Variants in NTM observed in about 807,000 individuals in gnomAD.
The protein encoded by NTM is neurotrimin.
In NTM, 13 loss-of-function variants were observed where a neutral mutation model predicts 42.1. The ratio of observed to expected loss-of-function variants is 0.31; its 90% CI spans 0.20 to 0.49. The LOEUF is 0.49. Among genes scored for constraint, NTM ranks in the 20% least tolerant of loss-of-function variants. The pLI, the probability that NTM is intolerant of heterozygous loss-of-function variation, is 0.99. For synonymous variants in NTM, 187 were observed against 179.2 expected, an observed-to-expected ratio of 1.04 and a Z score of -0.35; for missense variants, 373 against 452.8, an observed-to-expected ratio of 0.82 and a Z score of 1.60.
chr11:132,325,465 A>T (rs963660293), intron 7 of NTM, among the ~76,000 whole-genome samples: 1 of 152,232 alleles, frequency 6.6e-6, no homozygotes, highest in Non-Finnish European at 1.5e-5. Context: ...AACCACAGTG[A>T]GATACCATCT....
At chr11:131,645,705 T>C (rs757225590) in intron 1 of NTM, among the ~76,000 whole-genome samples, 1 of 152,244 alleles carries the variant, frequency 6.6e-6, no homozygotes, top group Non-Finnish European at 1.5e-5. Context: ...TGTGTATATA[T>C]GTTTTTTGTT....
chr11:131,573,355 A>G (rs1356827456), intron 1 of NTM, among the ~76,000 whole-genome samples: 1 of 152,256 alleles, frequency 6.6e-6, no homozygotes, highest in Non-Finnish European at 1.5e-5. Flanking sequence ...GGAACAGATG[A>G]AAAGTCTTGC....
At chr11:132,309,713 A>G (rs556936779) in intron 5 of NTM, among the ~76,000 whole-genome samples, 25 of 152,314 alleles carry the variant, frequency 1.6e-4, no homozygotes, top group African/African-American at 6.0e-4. Flanking sequence ...AAGTAAGCAG[A>G]GCCAGGGCAG....
chr11:131,832,055 C>A (rs534601710), intron 1 of NTM, among the ~76,000 whole-genome samples: 45 of 150,764 alleles, frequency 3.0e-4, no homozygotes, highest in African/African-American at 1.1e-3. Context: ...GCTTTTTCTG[C>A]ATACAGGTGG....
chr11:131,731,194 C>G (rs2079639411), intron 1 of NTM, among the ~76,000 whole-genome samples: 1 of 152,142 alleles, frequency 6.6e-6, no homozygotes, highest in Non-Finnish European at 1.5e-5. Flanking sequence ...CTCTCCACAT[C>G]CAATCTCTTG....
In NTM at chr11:132,278,743, TTCTCTCTCTC is replaced by T. The variant is rs66748602; in HGVS notation, c.527-28914_527-28905del. 8.4e-3 allele frequency among the ~76,000 whole-genome samples: 1,165 copies of T among 138,074 alleles called. 10 individuals carry two copies. The highest frequency in any genetic ancestry group is 0.029 in the African/African-American group (1,063 of 36,988). The allele number at this position is 138,074 out of a possible 152,430, so 90.6% of individuals were successfully genotyped here. A position where few individuals can be genotyped will look rare whatever the true frequency, so the allele number is the denominator to read the frequency against. On this transcript the variant is annotated intron_variant, in intron 4 of 8. Transcript: ENST00000683400. ...TGTCTTTCTTAACCTTCATTTGGGC[TTCTCTCTCTC>T]TCTCTCTCTCTCTCTCTCTCTCTCT...
chr11:132,115,110 A>G (rs2063710668), intron 2 of NTM, among the ~76,000 whole-genome samples: 1 of 152,182 alleles, frequency 6.6e-6, no homozygotes. Flanking sequence ...TCCAACTCAT[A>G]AAAGCAGAGT....
intron 1 of NTM, among the ~76,000 whole-genome samples, chr11:131,669,981 C>T (rs529720054): frequency 6.4e-4 from 97 of 152,210 alleles, no homozygotes; most frequent in African/African-American, 1.8e-3. Context: ...TTCCAGGTGG[C>T]GTCCGATTGA....
At chr11:131,968,359 T>G (rs143634384) in intron 2 of NTM, among the ~76,000 whole-genome samples, 1 of 152,138 alleles carries the variant, frequency 6.6e-6, no homozygotes, top group East Asian at 1.9e-4. Flanking sequence ...TGGTATCCAG[T>G]GCATCCTCAG....
intron 1 of NTM, among the ~76,000 whole-genome samples, chr11:131,576,881 C>G (rs911517385): frequency 6.6e-6 from 1 of 152,134 alleles, no homozygotes; most frequent in African/African-American, 2.4e-5. Context: ...AAATGTGGTG[C>G]AATAATATCA....
intron 1 of NTM, among the ~76,000 whole-genome samples, chr11:131,760,362 T>G (rs1249235209): frequency 1.3e-5 from 2 of 152,156 alleles, no homozygotes; most frequent in Non-Finnish European, 2.9e-5. Flanking sequence ...ATGTCTGGTG[T>G]ATGTTGTAAG....
chr11:131,550,038 CTG>C (rs773355278), intron 1 of NTM, among the ~76,000 whole-genome samples: 12 of 152,220 alleles, frequency 7.9e-5, no homozygotes, highest in Non-Finnish European at 1.8e-4. Flanking sequence ...GCATGAGGCT[CTG>C]GGATGAGAAT....
chr11:131,504,679 C>T (rs1051322904), intron 1 of NTM, among the ~76,000 whole-genome samples: 2 of 152,128 alleles, frequency 1.3e-5, no homozygotes, highest in Admixed American at 6.5e-5. Flanking sequence ...CTCTTCCTGG[C>T]CTGCGTGCTC....
intron 2 of NTM, among the ~76,000 whole-genome samples, chr11:132,140,679 G>A (rs1175071320): frequency 1.3e-5 from 2 of 152,202 alleles, no homozygotes; most frequent in Non-Finnish European, 2.9e-5. Flanking sequence ...TCGTGGGGAA[G>A]TATCCTGTTT....
chr11:132,094,791 T>A (rs2060765330), intron 2 of NTM, among the ~76,000 whole-genome samples: 1 of 152,134 alleles, frequency 6.6e-6, no homozygotes, highest in Non-Finnish European at 1.5e-5. Context: ...ATGGCCCCCA[T>A]ATGCTTAAGA....
chr11:132,324,718 C>A (rs77511710), intron 7 of NTM, among the ~76,000 whole-genome samples: 2 of 133,334 alleles, frequency 1.5e-5, no homozygotes, highest in African/African-American at 2.7e-5. Context: ...CCAAGTCAAT[C>A]CTAAGCCAAA....
At chr11:131,925,383 CTTTTTTTT>C (rs61493262) in intron 2 of NTM, among the ~76,000 whole-genome samples, 2 of 111,454 alleles carry the variant, frequency 1.8e-5, no homozygotes, top group African/African-American at 3.6e-5. Flanking sequence ...TTTCTTTTCT[CTTTTTTTT>C]TTTTTTTTTT....
intron 1 of NTM, among the ~76,000 whole-genome samples, chr11:131,454,352 C>A (rs930346689): frequency 2.0e-5 from 3 of 152,210 alleles, no homozygotes; most frequent in Non-Finnish European, 4.4e-5. Context: ...AGCTGTGGAA[C>A]ACATCCCCCT....
At chr11:131,535,857 T>A (rs895458310) in intron 1 of NTM, 15 of 152,084 alleles carry the variant, frequency 9.9e-5, no homozygotes, top group African/African-American at 3.6e-4. Context: ...GTTGAACGAG[T>A]GCTTATAGAA....
Sources: gnomAD v4.1 joint callset for allele counts (sites outside exome capture counted in the v4.1 genomes callset) on GRCh38, gnomAD v4.1.1 for gene constraint, MANE v1.5 for transcripts, NCBI Gene and HGNC (gene_info 2026-07-23, HGNC 2026-07-21) for gene names.